BPI: variants seen among roughly 807,000 people sequenced by gnomAD.
BPI encodes the protein bactericidal permeability increasing protein.
In BPI, 48 loss-of-function variants were observed where a neutral mutation model predicts 57.6. The ratio of observed to expected loss-of-function variants is 0.83; its 90% CI spans 0.66 to 1.06. BPI has a LOEUF of 1.06. Among genes scored for constraint, BPI ranks in the 50% least tolerant of loss-of-function variants. The pLI is 0.00. For synonymous variants in BPI, 237 were observed against 238.2 expected, an observed-to-expected ratio of 0.99 and a Z score of 0.05; for missense variants, 651 against 609.7, an observed-to-expected ratio of 1.07 and a Z score of -0.71.
chr20:38,322,337 A>G (rs2076690602), intron 7 of BPI, among the ~76,000 whole-genome samples: 1 of 152,260 alleles, frequency 6.6e-6, no homozygotes, highest in South Asian at 2.1e-4. Context: ...TAAGTGATAC[A>G]ACAGACCAAA....
At position 38,322,214 on chromosome 20, in the gene BPI, T is replaced by C. The variant is rs571034815; in HGVS notation, c.757-1656T>C. On this transcript the variant is annotated intron_variant, in intron 7 of 14. Coordinates refer to ENST00000642449, the MANE Select transcript of BPI (RefSeq NM_001725.3). ...TTTTTTCCACAAACGTAACCAAAGCTGCAGTGATCATCCTTGCAATCGTGT... is the reference window on the plus strand; with the variant it reads ...TTTTTTCCACAAACGTAACCAAAGCCGCAGTGATCATCCTTGCAATCGTGT... Among the ~76,000 whole-genome samples the C allele has an allele frequency of 6.6e-5, 10 of 152,260 alleles. No individual in the cohort carries two copies. In the Middle Eastern group the frequency reaches 0.01, roughly 155 times the overall value.
chr20:38,304,742 T>C (rs2076589074), intron 1 of BPI, among the ~76,000 whole-genome samples: 1 of 152,150 alleles, frequency 6.6e-6, no homozygotes, highest in African/African-American at 2.4e-5. Context: ...AGGGAGAGTG[T>C]GGGAGGACCT....
chr20:38,318,310 A>G, intron 5 of BPI, 103 bp from the exon 6 acceptor site: 1 of 1,341,738 alleles, frequency 7.5e-7, no homozygotes, highest in Non-Finnish European at 1.1e-6. Flanking sequence ...CATAATTTTC[A>G]AGAAAACATT....
intron 11 of BPI, among the ~76,000 whole-genome samples, chr20:38,329,186 G>A (rs2076729624): frequency 6.6e-6 from 1 of 152,098 alleles, no homozygotes; most frequent in Non-Finnish European, 1.5e-5. Flanking sequence ...TAGAGAAAGA[G>A]GGAGACACTC....
At chr20:38,309,487 T>G (rs1160199003) in intron 3 of BPI, among the ~76,000 whole-genome samples, 1 of 152,158 alleles carries the variant, frequency 6.6e-6, no homozygotes, top group Non-Finnish European at 1.5e-5. Context: ...TGTCTCCTCC[T>G]CCTTGGACCA....
intron 4 of BPI, among the ~76,000 whole-genome samples, chr20:38,311,117 C>T (rs1333677057): frequency 6.6e-6 from 1 of 152,232 alleles, no homozygotes; most frequent in Non-Finnish European, 1.5e-5. Context: ...CTCATTATCT[C>T]ATTCAAGCCA....
At chr20:38,307,873 A>G (rs1413161138) in intron 2 of BPI, among the ~76,000 whole-genome samples, 192 bp downstream of exon 2, 1 of 152,208 alleles carries the variant, frequency 6.6e-6, no homozygotes, top group African/African-American at 2.4e-5. Flanking sequence ...CACGACTCCC[A>G]GGAAGTGTGT....
chr20:38,322,005 G>A (rs1235388527), intron 7 of BPI, among the ~76,000 whole-genome samples: 1 of 152,126 alleles, frequency 6.6e-6, no homozygotes, highest in Non-Finnish European at 1.5e-5. Flanking sequence ...CATATATTTT[G>A]CATGTGTCAT....
intron 5 of BPI, among the ~76,000 whole-genome samples, chr20:38,315,830 CTTTTCT>C (rs1277658524): frequency 6.1e-5 from 8 of 130,860 alleles, no homozygotes; most frequent in Non-Finnish European, 1.3e-4. Context: ...CTTTTCTTTT[CTTTTCT>C]TTTTTTTTTT....
At chr20:38,314,359 GGATGAT>G (rs1196448028) in intron 5 of BPI, among the ~76,000 whole-genome samples, 3 of 138,568 alleles carry the variant, frequency 2.2e-5, no homozygotes, top group East Asian at 2.4e-4. Flanking sequence ...GTAATGGTGG[GGATGAT>G]GATGATGATG....
At chr20:38,319,894 T>C (rs1327476994) in intron 6 of BPI, 5 of 395,546 alleles carry the variant, frequency 1.3e-5, no homozygotes, top group African/African-American at 4.0e-5. Context: ...TTGTCCAAGG[T>C]CATCCAGAGT....
chr20:38,320,631 C>T (rs1242422224), intron 7 of BPI, among the ~76,000 whole-genome samples: 1 of 150,556 alleles, frequency 6.6e-6, no homozygotes, highest in East Asian at 2.0e-4. Context: ...TAGCTCTCTC[C>T]TCTTCCCCCA....
chr20:38,314,861 ATGATGATGGTGATGGTGATGGTGAGAC>A (rs1329131468), intron 5 of BPI, among the ~76,000 whole-genome samples: 1 of 150,938 alleles, frequency 6.6e-6, no homozygotes, highest in Non-Finnish European at 1.5e-5. Flanking sequence ...GATGATGATG[ATGATGATGGTGATGGTGATGGTGAGAC>A]TGATGATGGT....
chr20:38,329,918 G>T (rs902110106), intron 11 of BPI, among the ~76,000 whole-genome samples: 12 of 152,084 alleles, frequency 7.9e-5, no homozygotes, highest in African/African-American at 2.9e-4. Context: ...TCCCATGTTG[G>T]CCAGGCTAGT....
chr20:38,318,634 T>C (rs576032334), intron 6 of BPI, among the ~76,000 whole-genome samples, 158 bp downstream of exon 6: 9 of 152,056 alleles, frequency 5.9e-5, no homozygotes, highest in Non-Finnish European at 1.2e-4. Flanking sequence ...GCAGCTAGCA[T>C]TGGGTCAAGT....
At chr20:38,321,141 GTGGATGGATGGATGGA>G (rs368875561) in intron 7 of BPI, among the ~76,000 whole-genome samples, 7,672 of 79,692 alleles carry the variant, frequency 0.096, 434 homozygotes, top group East Asian at 0.27. Context: ...GGGTGTATTG[GTGGATGGATGGATGGA>G]TGGATGGATG....
chr20:38,304,489 A>G (rs2076587896), intron 1 of BPI, 136 bp downstream of exon 1: 1 of 1,255,056 alleles, frequency 8.0e-7, no homozygotes, highest in Admixed American at 2.8e-5. Context: ...CCCATTTTAT[A>G]TATGAAGAAA....
At chr20:38,314,995 C>T (rs951618285) in intron 5 of BPI, among the ~76,000 whole-genome samples, 2 of 118,854 alleles carry the variant, frequency 1.7e-5, no homozygotes, top group African/African-American at 3.2e-5. Flanking sequence ...ATGGTGATAG[C>T]GAGGTTGATG....
intron 14 of BPI, 92 bp from the exon 15 acceptor site, chr20:38,337,054 C>A: frequency 7.4e-7 from 1 of 1,360,200 alleles, no homozygotes. Context: ...GAGGCAGGCT[C>A]CCAAAATGTC....
Sources: gnomAD v4.1 joint callset for allele counts (sites outside exome capture counted in the v4.1 genomes callset) on GRCh38, gnomAD v4.1.1 for gene constraint, MANE v1.5 for transcripts, NCBI Gene and HGNC (gene_info 2026-07-23, HGNC 2026-07-21) for gene names.